The following PLAU variants were observed in gnomAD, a reference collection of about 807,000 sequenced individuals.
The protein encoded by PLAU is plasminogen activator, urokinase.
In PLAU, 32 loss-of-function variants were observed where a neutral mutation model predicts 48.9. That is an observed-to-expected ratio of 0.65 (90% CI 0.49 to 0.88). PLAU has a LOEUF of 0.88. Ranked by LOEUF, PLAU falls within the 40% of genes least tolerant of loss-of-function variation. The pLI, the probability that PLAU is intolerant of heterozygous loss-of-function variation, is 0.00. For synonymous variants in PLAU, 199 were observed against 205.7 expected, an observed-to-expected ratio of 0.97 and a Z score of 0.28; for missense variants, 455 against 545.2, an observed-to-expected ratio of 0.83 and a Z score of 1.65.
In PLAU at chr10:73,913,290, G is replaced by A. The variant is rs752541456; in HGVS notation, c.369G>A (p.Arg123=). 1 of 1,614,068 alleles carries A rather than the reference G, an allele frequency of 6.2e-7. No individual in the cohort carries two copies. Among genetic ancestry groups the A allele is most frequent in the South Asian group, 1.1e-5 (1 of 91,080 alleles). Residue 123 remains arginine (R), a splice_region_variant and synonymous_variant, in exon 6 of 11, where the codon AGG becomes AGA. Coordinates refer to ENST00000372764, the MANE Select transcript of PLAU (RefSeq NM_002658.6). ...ATCCCCTATCTTTCTGTGTTGCCAG[G>A]AACCCAGACAACCGGAGGCGACCCT... ...QLGLGKHNYC[R]NPDNRRRPWC... is the part of the protein sequence containing the mutation.
rs749039069 is a variant in PLAU at position 73,911,528 on chromosome 10, C to A, written c.-28C>A. 4 of 1,608,378 alleles carry A rather than the reference C, an allele frequency of 2.5e-6. No individual in the cohort carries two copies. In the African/African-American group the frequency reaches 4.0e-5, roughly 16 times the overall value. On this transcript the variant is annotated 5_prime_UTR_variant, in exon 2 of 11. Coordinates refer to ENST00000372764, the MANE Select transcript of PLAU (RefSeq NM_002658.6). ...CTGACTTCTCCTTCCTTTGCAGAGC[C>A]GCCGTCTAGCGCCCCGACCTCGCCA...
intron 7 of PLAU, 21 bp from the exon 8 acceptor site, chr10:73,913,959 G>A: frequency 6.2e-7 from 1 of 1,610,572 alleles, no homozygotes; most frequent in Non-Finnish European, 8.5e-7. Flanking sequence ...TAAGCTGTTT[G>A]ATGGGTATCT....
Position 73,914,008 on chromosome 10 carries a change from G to T in PLAU, c.709G>T (p.Val237Phe), listed in dbSNP as rs781710375. The change falls in exon 8 of 11, where the codon GTC (valine) becomes TTC (phenylalanine). Residue 237 changes from valine (V) to phenylalanine (F), a missense_variant. Coordinates refer to ENST00000372764, the MANE Select transcript of PLAU (RefSeq NM_002658.6). The stretch of plus-strand genomic sequence containing the variant: ...TTACCCAAAGAAGGAGGACTACATC[G>T]TCTACCTGGGTCGCTCAAGGCTTAA... Reference protein sequence around the residue: ...IDYPKKEDYIVYLGRSRLNSN... With the variant: ...IDYPKKEDYIFYLGRSRLNSN... 5.0e-6 allele frequency: 8 copies of T among 1,613,916 alleles called. No individual in the cohort carries two copies. The highest frequency in any genetic ancestry group is 5.9e-6 in the Non-Finnish European group (7 of 1,179,782).
At chr10:73,912,368 G>C in intron 4 of PLAU, 46 bp downstream of exon 4, 1 of 787,778 alleles carries the variant, frequency 1.3e-6, no homozygotes, top group Non-Finnish European at 2.0e-6. Flanking sequence ...TGGGGACAGG[G>C]AGGGATGGGT....
Position 73,917,219 on chromosome 10 carries a change from T to C in PLAU, c.*654T>C, listed in dbSNP as rs1449691791. On this transcript the variant is annotated 3_prime_UTR_variant, in exon 11 of 11. Transcript: ENST00000372764. ...CACAGAGTGGTCTTTCTGGAGAGGT[T>C]ATAGGTCACTCCTGGGGCCTCTTGG... is the stretch of plus-strand genomic sequence containing the variant. 1 of 152,736 alleles carries C rather than the reference T, an allele frequency of 6.5e-6. No individual in the cohort carries two copies. Among genetic ancestry groups the C allele is most frequent in the African/African-American group, 2.4e-5 (1 of 41,420 alleles). 9.5% of individuals were successfully genotyped at this position (152,736 alleles called of 1,614,324 possible).
chr10:73,916,266 TG>T, intron 10 of PLAU, 122 bp from the exon 11 acceptor site: 9 of 839,858 alleles, frequency 1.1e-5, no homozygotes, highest in South Asian at 1.6e-5. Context: ...AGAAAGAAAA[TG>T]GGAAGTCGCT....
In PLAU at chr10:73,912,962, T is replaced by C; in HGVS notation, c.232T>C (p.Tyr78His). Residue 78 changes from tyrosine to histidine, a missense_variant, in exon 5 of 11, where the codon TAC becomes CAC. Transcript: ENST00000372764. ...KTCYEGNGHF[Y>H]RGKASTDTMG... Reference sequence around the variant, plus strand: ...CTGCTATGAGGGGAATGGTCACTTTTACCGAGGAAAGGCCAGCACTGACAC... The same window carrying C: ...CTGCTATGAGGGGAATGGTCACTTTCACCGAGGAAAGGCCAGCACTGACAC... 6.2e-7 allele frequency: 1 copy of C among 1,614,072 alleles called. No homozygotes were observed. The highest frequency in any genetic ancestry group is 8.5e-7 in the Non-Finnish European group (1 of 1,179,968).
chr10:73,914,302 AG>A (rs1315630090), intron 8 of PLAU, among the ~76,000 whole-genome samples, 174 bp downstream of exon 8: 1 of 152,134 alleles, frequency 6.6e-6, no homozygotes, highest in African/African-American at 2.4e-5. Context: ...ATGAAGTCTG[AG>A]GGGCCTGGTG....
At position 73,913,316 on chromosome 10, in the gene PLAU, G is replaced by C; in HGVS notation, c.395G>C (p.Trp132Ser). Reference protein sequence around the residue: ...CRNPDNRRRPWCYVQVGLKLL... With the variant: ...CRNPDNRRRPSCYVQVGLKLL... ...AACCCAGACAACCGGAGGCGACCCT[G>C]GTGCTATGTGCAGGTGGGCCTAAAG... is the stretch of plus-strand genomic sequence containing the variant. The change falls in exon 6 of 11, where the codon TGG becomes TCG. Residue 132 changes from tryptophan (W) to serine (S), a missense_variant. By Grantham distance (177) the Trp-to-Ser change is radical (BLOSUM62 -3). Transcript: ENST00000372764. The C allele has an allele frequency of 6.2e-7, 1 of 1,614,168 alleles. No homozygotes were observed. The highest frequency in any genetic ancestry group is 8.5e-7 in the Non-Finnish European group (1 of 1,180,024).
rs771501787 is a variant in PLAU, at chr10:73,911,830, C to A, written c.58-211C>A. 5 of 1,551,908 alleles carry A rather than the reference C, an allele frequency of 3.2e-6. No homozygotes were observed. In the African/African-American group the frequency reaches 6.8e-5, roughly 21 times the overall value. On this transcript the variant is annotated intron_variant, in intron 2 of 10. Transcript: ENST00000372764. The stretch of plus-strand genomic sequence containing the variant: ...GAAGAGGCCGCCGGGACTGCCCCAG[C>A]CTGCGGGCATCTGGTAGATGAAGCT...
Position 73,916,949 on chromosome 10 carries a change from A to G in PLAU, c.*384A>G, listed in dbSNP as rs1017373191. ...TGGTTGAGAAATGAATAATTTCCCA[A>G]TTAGGAAGTGTAACAGCTGAGGTCT... is the stretch of plus-strand genomic sequence containing the variant. On this transcript the variant is annotated 3_prime_UTR_variant, in exon 11 of 11. Coordinates refer to ENST00000372764, the MANE Select transcript of PLAU (RefSeq NM_002658.6). 1.1e-5 allele frequency: 2 copies of G among 183,126 alleles called. No individual in the cohort carries two copies. Among genetic ancestry groups the G allele is most frequent in the South Asian group, 1.2e-4 (1 of 8,452 alleles). The allele number at this position is 183,126 out of a possible 1,614,324, so 11.3% of individuals were successfully genotyped here.
In PLAU at chr10:73,915,429, C is replaced by T. The variant is rs59587909; in HGVS notation, c.1119+30C>T. On this transcript the variant is annotated intron_variant, in intron 10 of 10. Coordinates refer to ENST00000372764, the MANE Select transcript of PLAU (RefSeq NM_002658.6). ...GTGTTCCAAGCATCTCTCTCCACCT[C>T]TTCCATATCTCCCCAGAGCTCCTGG... 3.6e-4 allele frequency: 559 copies of T among 1,569,074 alleles called. 2 individuals carry two copies. The African/African-American group carries it at 6.8e-3, about 19-fold the overall frequency.
Position 73,916,706 on chromosome 10 carries a change from C to T in PLAU, c.*141C>T, listed in dbSNP as rs4065. 0.51 allele frequency: 361,201 copies of T among 701,926 alleles called. 99,198 individuals carry two copies. The highest frequency in any genetic ancestry group is 0.67 in the Middle Eastern group (1,669 of 2,484). 43.5% of individuals were successfully genotyped at this position (701,926 alleles called of 1,614,324 possible). A position where few individuals can be genotyped will look rare whatever the true frequency, so the allele number is the denominator to read the frequency against. ...GATTTGCCTGTGCCACCCACCAGGG[C>T]GAACGACAATAGCTTTACCCTCAGG... On this transcript the variant is annotated 3_prime_UTR_variant, in exon 11 of 11. Coordinates refer to ENST00000372764, the MANE Select transcript of PLAU (RefSeq NM_002658.6).
chr10:73,911,384 T>A (rs1268207681), intron 1 of PLAU, 141 bp from the exon 2 acceptor site: 4 of 918,208 alleles, frequency 4.4e-6, no homozygotes, highest in Middle Eastern at 3.2e-4. Context: ...CGATCCAGGC[T>A]GCCCGGAGTC....
At chr10:73,913,852 C>A in intron 7 of PLAU, 94 bp downstream of exon 7, 1 of 1,371,280 alleles carries the variant, frequency 7.3e-7, no homozygotes, top group South Asian at 1.3e-5. Context: ...TCATTTCTCC[C>A]TCATCTGCCC....
At chr10:73,909,022 G>C (rs2131709593), upstream of PLAU, among the ~76,000 whole-genome samples, 3 of 151,924 alleles carry the variant, frequency 2.0e-5, no homozygotes, top group Non-Finnish European at 4.4e-5. Flanking sequence ...GAGTGCTAAA[G>C]ATTAGCGCAT....
At position 73,915,328 on chromosome 10, in the gene PLAU, T is replaced by A. The variant is rs72816325; in HGVS notation, c.1048T>A (p.Tyr350Asn). 8 of 1,613,850 alleles carry A rather than the reference T, an allele frequency of 5.0e-6. No individual in the cohort carries two copies. Among genetic ancestry groups the A allele is most frequent in the Middle Eastern group, 1.6e-4 (1 of 6,080 alleles). The change falls in exon 10 of 11, where the codon TAC becomes AAC. Residue 350 changes from tyrosine (Y) to asparagine (N), a missense_variant. Coordinates refer to ENST00000372764, the MANE Select transcript of PLAU (RefSeq NM_002658.6). ...ISHRECQQPH[Y>N]YGSEVTTKML... ...CCACCGGGAGTGTCAGCAGCCCCACTACTACGGCTCTGAAGTCACCACCAA... is the reference window on the plus strand; with the variant it reads ...CCACCGGGAGTGTCAGCAGCCCCACAACTACGGCTCTGAAGTCACCACCAA...
chr10:73,911,678 G>A, intron 2 of PLAU, 66 bp downstream of exon 2: 1 of 1,596,430 alleles, frequency 6.3e-7, no homozygotes, highest in Non-Finnish European at 8.5e-7. Context: ...GGGAGAGGAG[G>A]GGCTGCTCAG....
intron 9 of PLAU, 143 bp downstream of exon 9, chr10:73,915,059 G>A (rs2096133594): frequency 3.8e-6 from 4 of 1,059,484 alleles, no homozygotes; most frequent in South Asian, 3.0e-5. Flanking sequence ...TGGATGAAGA[G>A]TGTTGTTTAG....
Sources: gnomAD v4.1 joint callset for allele counts (sites outside exome capture counted in the v4.1 genomes callset) on GRCh38, gnomAD v4.1.1 for gene constraint, MANE v1.5 for transcripts, NCBI Gene and HGNC (gene_info 2026-07-23, HGNC 2026-07-21) for gene names.